The following ZNF718 variants were observed in gnomAD, a reference collection of about 807,000 sequenced individuals.
The protein encoded by ZNF718 is zinc finger protein 718.
Under a neutral mutation model 2.6 loss-of-function variants are expected in ZNF718, and 3 were observed. The ratio of observed to expected loss-of-function variants is 1.16; its 90% confidence interval spans 0.53 to 3.01. The LOEUF (loss-of-function observed/expected upper bound fraction) is 3.01, where lower values mean the gene tolerates loss of function less well. Ranked by LOEUF, ZNF718 falls within the 30% of genes most tolerant of loss-of-function variation. The probability of loss-of-function intolerance (pLI) is 0.03; values close to 1 mark genes in which losing one functional copy is unlikely to be tolerated. For missense variants in ZNF718, 468 were observed against 230.0 expected (o/e 2.03, Z -6.69); for synonymous variants, 135 against 77.9 (o/e 1.73, Z -3.86).
chr4:171,426 G>C (rs1717226167), intron 3 of ZNF718, among the ~76,000 whole-genome samples: 1 of 152,154 alleles, frequency 6.6e-6, no homozygotes, highest in Admixed American at 6.5e-5. Flanking sequence ...GTTTGGCTGT[G>C]CCCTGCCCCC....
intron 3 of ZNF718, among the ~76,000 whole-genome samples, chr4:189,476 G>A (rs1461683103): frequency 1.3e-5 from 2 of 151,688 alleles, no homozygotes; most frequent in Non-Finnish European, 2.9e-5. Context: ...ATTTCATCTT[G>A]TATATTAATC....
At chr4:188,148 A>G (rs566503843) in intron 3 of ZNF718, among the ~76,000 whole-genome samples, 1 of 152,304 alleles carries the variant, frequency 6.6e-6, no homozygotes, top group South Asian at 2.1e-4. Flanking sequence ...CCCCTTTCTG[A>G]GCACTCTATC....
intron 3 of ZNF718, among the ~76,000 whole-genome samples, chr4:178,141 A>AT (rs5855670): frequency 0.2 from 29,270 of 143,062 alleles, 3,422 homozygotes; most frequent in East Asian, 0.56. Flanking sequence ...TGATAATTTC[A>AT]TTTTTTTTTT....
At chr4:191,565 G>GA (rs1175565251) in intron 3 of ZNF718, among the ~76,000 whole-genome samples, 1 of 151,856 alleles carries the variant, frequency 6.6e-6, no homozygotes, top group African/African-American at 2.4e-5. Flanking sequence ...ATCAGTGAGA[G>GA]AAAAAATATA....
downstream of ZNF718, among the ~76,000 whole-genome samples, chr4:167,626 T>G (rs1485344810): frequency 6.6e-6 from 1 of 152,100 alleles, no homozygotes; most frequent in East Asian, 1.9e-4. Context: ...TGAATGGGAG[T>G]TCACTCATGA....
intron 3 of ZNF718, among the ~76,000 whole-genome samples, chr4:145,829 GAC>G (rs1716027882): frequency 6.6e-6 from 1 of 151,940 alleles, no homozygotes; most frequent in Non-Finnish European, 1.5e-5. Context: ...TTATTTTAGA[GAC>G]AGAGTCCCGC....
chr4:147,788 C>T (rs1358340749), intron 3 of ZNF718, among the ~76,000 whole-genome samples: 4 of 152,088 alleles, frequency 2.6e-5, no homozygotes, highest in African/African-American at 4.8e-5. Context: ...TGCTTGAACC[C>T]GGGAGGTGGA....
intron 3 of ZNF718, among the ~76,000 whole-genome samples, chr4:175,572 C>T (rs1340909248): frequency 6.6e-6 from 1 of 152,180 alleles, no homozygotes; most frequent in Non-Finnish European, 1.5e-5. Flanking sequence ...CTATCTTGTG[C>T]AGCACCAGGA....
rs1715278281 is a variant in ZNF718, at chr4:128,163, C to G, written c.4-2625C>G. 2.9e-5 allele frequency among the ~76,000 whole-genome samples: 3 copies of G among 104,206 alleles called. 1 individual carries two copies. The East Asian group carries it at 1.6e-3, about 56-fold the overall frequency. The allele number at this position is 104,206 out of a possible 152,430, so 68.4% of individuals were successfully genotyped here. A position where few individuals can be genotyped will look rare whatever the true frequency, so the allele number is the denominator to read the frequency against. On this transcript the variant is annotated intron_variant, in intron 1 of 3. Transcript: ENST00000510175. ...TCTGCATACAAAAGTTGGCCTCTGC[C>G]TGGGATTCCCAACACTGGACCAGAC...
chr4:193,187 G>A (rs1178139847), intron 3 of ZNF718, among the ~76,000 whole-genome samples: 4 of 152,048 alleles, frequency 2.6e-5, no homozygotes, highest in African/African-American at 9.7e-5. Flanking sequence ...TCTAATGGAG[G>A]GTTCCACCTT....
rs7669268 is a variant in ZNF718, at chr4:200,247, T to C, written c.227-834T>C. ...TGGGGAGGAAGGAGGAGGTTTTTTT[T>C]TTTGTTTGTTTGTTTGTTTATTTGT... On this transcript the variant is annotated intron_variant and NMD_transcript_variant, in intron 3 of 4. Transcript: ENST00000642529. Among the ~76,000 whole-genome samples the C allele has an allele frequency of 5.9e-5, 9 of 152,250 alleles. No homozygotes were observed. In the South Asian group the frequency reaches 1.7e-3, roughly 28 times the overall value.
At chr4:177,371 T>C (rs782575887) in intron 3 of ZNF718, among the ~76,000 whole-genome samples, 2 of 152,204 alleles carry the variant, frequency 1.3e-5, no homozygotes, top group Non-Finnish European at 2.9e-5. Context: ...AGAAAAATGC[T>C]GTTTCTGGGT....
intron 3 of ZNF718, among the ~76,000 whole-genome samples, chr4:145,320 C>G (rs1716001812): frequency 1.3e-5 from 2 of 151,944 alleles, no homozygotes; most frequent in South Asian, 4.1e-4. Flanking sequence ...TGCTTTCTTC[C>G]CTTGCGTTTT....
At chr4:155,868 A>C (rs560249261) in intron 3 of ZNF718, among the ~76,000 whole-genome samples, 1 of 152,256 alleles carries the variant, frequency 6.6e-6, no homozygotes, top group Non-Finnish European at 1.5e-5. Context: ...CTCATTTTGA[A>C]TTATAGCTCC....
chr4:187,679 G>T (rs1269022825), intron 3 of ZNF718, among the ~76,000 whole-genome samples: 2 of 152,182 alleles, frequency 1.3e-5, no homozygotes, highest in African/African-American at 4.8e-5. Flanking sequence ...GGAGGTGGCT[G>T]GAGACCATGG....
chr4:167,580 T>G (rs533550333), downstream of ZNF718, among the ~76,000 whole-genome samples: 148 of 152,180 alleles, frequency 9.7e-4, no homozygotes, highest in African/African-American at 3.3e-3. Flanking sequence ...CTTGTAAGTT[T>G]GATTCCTAGG....
chr4:189,222 G>A (rs529042286), intron 3 of ZNF718, among the ~76,000 whole-genome samples: 9 of 151,616 alleles, frequency 5.9e-5, no homozygotes, highest in East Asian at 1.9e-4. Context: ...TACCATGCCC[G>A]GCTACTGTAA....
chr4:168,995 T>C (rs1485019540), downstream of ZNF718, among the ~76,000 whole-genome samples: 1 of 152,220 alleles, frequency 6.6e-6, no homozygotes, highest in Non-Finnish European at 1.5e-5. Flanking sequence ...CATTTAGTGC[T>C]ATAAATTTCC....
In ZNF718 at chr4:151,789, T is replaced by TG. The variant is rs549229417; in HGVS notation, c.227-9120dup. 2.8e-3 allele frequency among the ~76,000 whole-genome samples: 429 copies of TG among 151,452 alleles called. 4 individuals are homozygous for TG. The highest frequency in any genetic ancestry group is 0.01 in the African/African-American group (413 of 41,230). ...ACACCTGTGGGTGTTTCTCGTAAGGTGGGACGAGAGATTTGGAAAAGAAAA... is the reference window on the plus strand; with the variant it reads ...ACACCTGTGGGTGTTTCTCGTAAGGTGGGGACGAGAGATTTGGAAAAGAAAA... On this transcript the variant is annotated intron_variant, in intron 3 of 3. Coordinates refer to ENST00000510175, the MANE Select transcript of ZNF718 (RefSeq NM_001039127.6).
Sources: gnomAD v4.1 joint callset for allele counts (sites outside exome capture counted in the v4.1 genomes callset) on GRCh38, gnomAD v4.1.1 for gene constraint, MANE v1.5 for transcripts, NCBI Gene and HGNC (gene_info 2026-07-23, HGNC 2026-07-21) for gene names.